Variants in ARPC1A observed in about 807,000 individuals in gnomAD.
ARPC1A encodes the protein actin related protein 2/3 complex subunit 1A.
ARPC1A carries 8 observed loss-of-function variants against 46.9 expected under a neutral mutation model. The observed-to-expected ratio is 0.17, with a 90% CI of 0.10 to 0.31. ARPC1A has a LOEUF of 0.31. ARPC1A is among the 10% of genes least tolerant of loss of function. The pLI is 1.00. For missense variants in ARPC1A, 286 were observed against 483.6 expected (o/e 0.59, Z 3.83); for synonymous variants, 152 against 169.0 (o/e 0.90, Z 0.78).
In ARPC1A at chr7:99,348,978, T is replaced by C. The variant is rs755922708; in HGVS notation, c.500+19T>C. On this transcript the variant is annotated intron_variant, in intron 5 of 9. Coordinates refer to ENST00000262942, the MANE Select transcript of ARPC1A (RefSeq NM_006409.4). ...AATGCAGGTGGGAACCAGTGAGAAC[T>C]GATAAACTTGAGCCGTGCATTCTTC... 2.5e-6 allele frequency: 4 copies of C among 1,587,168 alleles called. No homozygotes were observed. The highest frequency in any genetic ancestry group is 2.7e-5 in the African/African-American group (2 of 74,186).
chr7:99,332,903 CT>C (rs1167950297), intron 1 of ARPC1A, among the ~76,000 whole-genome samples: 55 of 97,470 alleles, frequency 5.6e-4, no homozygotes, highest in Non-Finnish European at 4.6e-4. Context: ...CATGCCCGGC[CT>C]TTTTTTTTTT....
intron 1 of ARPC1A, among the ~76,000 whole-genome samples, chr7:99,330,944 A>T (rs1295281098): frequency 1.3e-5 from 2 of 152,222 alleles, no homozygotes; most frequent in Non-Finnish European, 2.9e-5. Flanking sequence ...GGGTACCTAT[A>T]AAATAGAGAA....
intron 3 of ARPC1A, among the ~76,000 whole-genome samples, chr7:99,340,583 A>G (rs1417122291): frequency 6.6e-6 from 1 of 152,140 alleles, no homozygotes; most frequent in Non-Finnish European, 1.5e-5. Context: ...GCTGGTACTA[A>G]AGGTGTGCGC....
At chr7:99,328,593 T>G (rs1793091091) in intron 1 of ARPC1A, among the ~76,000 whole-genome samples, 1 of 152,048 alleles carries the variant, frequency 6.6e-6, no homozygotes, top group African/African-American at 2.4e-5. Context: ...AAACCCAGCC[T>G]CGGCTTCAGA....
chr7:99,353,436 G>A (rs1373457432), intron 5 of ARPC1A, among the ~76,000 whole-genome samples: 1 of 151,302 alleles, frequency 6.6e-6, no homozygotes, highest in Non-Finnish European at 1.5e-5. Context: ...GGGATTACAG[G>A]CATGAGCCAC....
intron 4 of ARPC1A, among the ~76,000 whole-genome samples, chr7:99,345,788 A>G (rs1265521082): frequency 6.6e-6 from 1 of 152,236 alleles, no homozygotes; most frequent in Non-Finnish European, 1.5e-5. Flanking sequence ...CAGAGTATAC[A>G]TGACTCTTTG....
intron 2 of ARPC1A, among the ~76,000 whole-genome samples, chr7:99,336,660 A>AT (rs1793259411): frequency 6.6e-6 from 1 of 151,830 alleles, no homozygotes; most frequent in Admixed American, 6.6e-5. Flanking sequence ...GGCCTGGCTA[A>AT]TTTTTGTATT....
intron 9 of ARPC1A, 37 bp downstream of exon 9, chr7:99,363,670 T>TA: frequency 6.8e-6 from 10 of 1,477,616 alleles, no homozygotes; most frequent in Non-Finnish European, 8.3e-6. Context: ...TTGTTTGTGT[T>TA]AAAACTTTTT....
intron 5 of ARPC1A, among the ~76,000 whole-genome samples, chr7:99,350,993 G>GCT (rs1793535599): frequency 6.6e-6 from 1 of 151,650 alleles, no homozygotes; most frequent in African/African-American, 2.4e-5. Context: ...AGAAAACCAG[G>GCT]CTAGTGGTTT....
intron 8 of ARPC1A, among the ~76,000 whole-genome samples, chr7:99,362,862 A>G (rs7804854): frequency 0.99 from 149,926 of 151,968 alleles, 73,964 homozygotes; most frequent in Middle Eastern, 1. Flanking sequence ...TCCCCTGCTT[A>G]GCTTGGTCGG....
chr7:99,336,656 G>T (rs1246443194), intron 2 of ARPC1A, among the ~76,000 whole-genome samples: 1 of 151,980 alleles, frequency 6.6e-6, no homozygotes, highest in Non-Finnish European at 1.5e-5. Context: ...ACCAGGCCTG[G>T]CTAATTTTTG....
rs760893275 is a variant in ARPC1A, at chr7:99,344,459, T to C, written c.336T>C (p.Ala112=). 7 of 1,613,972 alleles carry C rather than the reference T, an allele frequency of 4.3e-6. No homozygotes were observed. In the East Asian group the frequency reaches 8.9e-5, roughly 21 times the overall value. The change falls in exon 4 of 10, where the codon GCT becomes GCC. Residue 112 remains alanine (A), a synonymous_variant. Transcript: ENST00000262942. ...GGTCCCCCCTAGAGAACAAATTTGC[T>C]GTGGGAAGTGGAGCACGACTCATTT... The part of the protein sequence containing the change: ...VKWSPLENKF[A]VGSGARLISV...
chr7:99,347,661 G>T (rs998756701), intron 4 of ARPC1A, among the ~76,000 whole-genome samples: 1 of 151,866 alleles, frequency 6.6e-6, no homozygotes, highest in Non-Finnish European at 1.5e-5. Flanking sequence ...CTGACATTGC[G>T]CCACTGCACT....
intron 3 of ARPC1A, among the ~76,000 whole-genome samples, chr7:99,342,306 G>A (rs1268119204): frequency 6.6e-6 from 1 of 152,076 alleles, no homozygotes; most frequent in Non-Finnish European, 1.5e-5. Flanking sequence ...TAATCCCAGT[G>A]CTTTGGGAGG....
At chr7:99,341,110 A>C (rs1793350381) in intron 3 of ARPC1A, among the ~76,000 whole-genome samples, 1 of 151,836 alleles carries the variant, frequency 6.6e-6, no homozygotes, top group Non-Finnish European at 1.5e-5. Context: ...GGAGTTTGAG[A>C]CCAACCTGGC....
intron 4 of ARPC1A, 60 bp downstream of exon 4, chr7:99,344,575 G>A (rs1471541392): frequency 9.1e-6 from 14 of 1,531,338 alleles, no homozygotes; most frequent in African/African-American, 4.1e-5. Context: ...GCACTGCTGT[G>A]TGAGGGCTCA....
chr7:99,344,107 T>C (rs1180565405), intron 3 of ARPC1A, among the ~76,000 whole-genome samples, 186 bp from the exon 4 acceptor site: 1 of 152,204 alleles, frequency 6.6e-6, no homozygotes, highest in Non-Finnish European at 1.5e-5. Flanking sequence ...TCCCAGACGC[T>C]TTGCAGAGAA....
intron 7 of ARPC1A, among the ~76,000 whole-genome samples, chr7:99,359,164 G>A (rs747021500): frequency 1.3e-5 from 2 of 148,974 alleles, no homozygotes; most frequent in Non-Finnish European, 3.0e-5. Flanking sequence ...GGTGGGGCAC[G>A]ATGGCTCACG....
intron 9 of ARPC1A, among the ~76,000 whole-genome samples, chr7:99,365,633 G>A (rs976977913): frequency 1.3e-5 from 2 of 151,364 alleles, no homozygotes; most frequent in Non-Finnish European, 2.9e-5. Context: ...AAAAAAAAGA[G>A]GAGTGAGGAG....
Sources: gnomAD v4.1 joint callset for allele counts (sites outside exome capture counted in the v4.1 genomes callset) on GRCh38, gnomAD v4.1.1 for gene constraint, MANE v1.5 for transcripts, NCBI Gene and HGNC (gene_info 2026-07-23, HGNC 2026-07-21) for gene names.